The following TANC2 variants were observed in gnomAD, a reference collection of about 807,000 sequenced individuals.
The protein encoded by TANC2 is tetratricopeptide repeat, ankyrin repeat and coiled-coil containing 2, also known as protein TANC2.
Under a neutral mutation model 210.5 loss-of-function variants are expected in TANC2, and 26 were observed. That is an observed-to-expected ratio of 0.12 (90% CI 0.09 to 0.17). TANC2 has a LOEUF of 0.17. Among genes scored for constraint, TANC2 ranks in the 10% least tolerant of loss-of-function variants. The pLI, the probability that TANC2 is intolerant of heterozygous loss-of-function variation, is 1.00. For missense variants in TANC2, 2,129 were observed against 2,608.9 expected, an observed-to-expected ratio of 0.82 and a Z score of 4.01; for synonymous variants, 931 against 967.1, an observed-to-expected ratio of 0.96 and a Z score of 0.69.
intron 9 of TANC2, chr17:63,313,204 T>TA (rs1273144614): frequency 6.6e-6 from 1 of 152,226 alleles, no homozygotes. Flanking sequence ...AAAATGGAGT[T>TA]AGAGTGTAAT....
chr17:63,277,293 T>A (rs1282151531), intron 9 of TANC2, among the ~76,000 whole-genome samples: 1 of 151,344 alleles, frequency 6.6e-6, no homozygotes, highest in East Asian at 1.9e-4. Flanking sequence ...TTTTTTTTTT[T>A]AACTTTTATT....
At chr17:63,145,485 A>G (rs2039434099) in intron 4 of TANC2, among the ~76,000 whole-genome samples, 1 of 152,130 alleles carries the variant, frequency 6.6e-6, no homozygotes, top group Non-Finnish European at 1.5e-5. Flanking sequence ...CTACTTCTTT[A>G]CAATTCTATA....
In TANC2 at chr17:63,045,648, C is replaced by T. The variant is rs185254862; in HGVS notation, c.68-28295C>T. 9.2e-5 allele frequency among the ~76,000 whole-genome samples: 14 copies of T among 152,030 alleles called. No homozygotes were observed. The East Asian group carries it at 2.5e-3, about 27-fold the overall frequency. On this transcript the variant is annotated intron_variant, in intron 2 of 27. Transcript: ENST00000689528. Reference sequence around the variant, plus strand: ...ATCTTTTTTTCTCATGTGGAGAAAGCCAATTTTCCCCACCATATTTGTTGT... The same window carrying T: ...ATCTTTTTTTCTCATGTGGAGAAAGTCAATTTTCCCCACCATATTTGTTGT...
intron 19 of TANC2, among the ~76,000 whole-genome samples, chr17:63,402,535 C>T (rs1341688525): frequency 2.0e-5 from 3 of 152,152 alleles, no homozygotes; most frequent in Admixed American, 6.5e-5. Context: ...CTGGACTCTT[C>T]CAAGGTTGAA....
chr17:63,092,426 C>T (rs772748228), intron 3 of TANC2, among the ~76,000 whole-genome samples: 20 of 151,546 alleles, frequency 1.3e-4, no homozygotes, highest in Admixed American at 4.0e-4. Context: ...GTAGTAGTAA[C>T]TCCTAGTTTG....
At chr17:63,219,933 AC>A (rs1304387473) in intron 7 of TANC2, among the ~76,000 whole-genome samples, 1 of 152,210 alleles carries the variant, frequency 6.6e-6, no homozygotes, top group Non-Finnish European at 1.5e-5. Flanking sequence ...TTTGAGGTTT[AC>A]TATAAAACTG....
chr17:63,158,468 G>A (rs1349953403), intron 5 of TANC2, among the ~76,000 whole-genome samples: 1 of 152,224 alleles, frequency 6.6e-6, no homozygotes, highest in Non-Finnish European at 1.5e-5. Context: ...GAGCAAAGAA[G>A]GGACAGAAAG....
intron 8 of TANC2, among the ~76,000 whole-genome samples, chr17:63,263,922 G>A (rs2043444963): frequency 6.6e-6 from 1 of 152,118 alleles, no homozygotes; most frequent in Non-Finnish European, 1.5e-5. Flanking sequence ...CTCTGCTATT[G>A]GTACAATAAT....
chr17:62,977,064 G>A (rs183266671), intron 1 of TANC2, among the ~76,000 whole-genome samples: 4 of 152,304 alleles, frequency 2.6e-5, no homozygotes, highest in Admixed American at 2.6e-4. Flanking sequence ...AACTGTTGGC[G>A]AGTGTACCCT....
chr17:63,084,869 T>A (rs978416876), intron 3 of TANC2, among the ~76,000 whole-genome samples: 1 of 152,154 alleles, frequency 6.6e-6, no homozygotes, highest in African/African-American at 2.4e-5. Context: ...CTTTTGAGTT[T>A]GTTAAGGTGT....
At chr17:63,007,165 G>T (rs1350979800) in intron 1 of TANC2, among the ~76,000 whole-genome samples, 1 of 152,152 alleles carries the variant, frequency 6.6e-6, no homozygotes, top group East Asian at 1.9e-4. Context: ...GGAATTTGAG[G>T]TTGCAGTGAG....
chr17:63,228,034 T>C (rs1365092869), intron 7 of TANC2, among the ~76,000 whole-genome samples: 1 of 151,748 alleles, frequency 6.6e-6, no homozygotes, highest in African/African-American at 2.4e-5. Context: ...CAGCTAATTT[T>C]TGTATTTTTA....
chr17:63,165,126 T>C (rs960300630), intron 5 of TANC2, among the ~76,000 whole-genome samples: 1 of 151,422 alleles, frequency 6.6e-6, no homozygotes, highest in African/African-American at 2.4e-5. Flanking sequence ...TCTACAAAAA[T>C]AAAAATTAGC....
At chr17:63,050,356 C>T (rs577867819) in intron 2 of TANC2, among the ~76,000 whole-genome samples, 2 of 119,342 alleles carry the variant, frequency 1.7e-5, no homozygotes, top group Admixed American at 8.8e-5. Flanking sequence ...GACCCTGTTT[C>T]AAGAAAAAAA....
intron 8 of TANC2, among the ~76,000 whole-genome samples, chr17:63,241,159 G>T (rs1017240155): frequency 6.6e-6 from 1 of 152,070 alleles, no homozygotes; most frequent in Admixed American, 6.6e-5. Context: ...GGTGGGGTGG[G>T]GGCTTATTTA....
intron 17 of TANC2, 52 bp from the exon 18 acceptor site, chr17:63,395,691 G>A (rs540914140): frequency 3.0e-5 from 46 of 1,548,420 alleles, no homozygotes; most frequent in African/African-American, 4.1e-5. Context: ...ACTAGATTGC[G>A]AGCTCAGCCA....
chr17:63,395,155 T>TA (rs758637952), intron 17 of TANC2, among the ~76,000 whole-genome samples: 16 of 152,182 alleles, frequency 1.1e-4, no homozygotes, highest in Non-Finnish European at 2.4e-4. Context: ...ACACTGAAAT[T>TA]ATGAAGACTG....
chr17:63,264,578 T>C (rs1010799850), intron 8 of TANC2, among the ~76,000 whole-genome samples: 2 of 152,232 alleles, frequency 1.3e-5, no homozygotes, highest in African/African-American at 2.4e-5. Flanking sequence ...TTCATTGTAA[T>C]ATTAAACTTA....
chr17:63,234,393 T>C (rs2042563581), intron 7 of TANC2, among the ~76,000 whole-genome samples: 1 of 152,224 alleles, frequency 6.6e-6, no homozygotes, highest in Admixed American at 6.5e-5. Context: ...CTCATATCAT[T>C]GGTAACAATA....
Sources: allele counts gnomAD v4.1 joint callset (sites outside exome capture counted in the v4.1 genomes callset), GRCh38; gene constraint gnomAD v4.1.1; transcripts MANE v1.5; gene names NCBI Gene and HGNC (gene_info 2026-07-23, HGNC 2026-07-21).